The following GPR19 variants were observed in gnomAD, a reference collection of about 807,000 sequenced individuals.
The protein encoded by GPR19 is G protein-coupled receptor 19, also known as probable G protein-coupled receptor 19.
Under a neutral mutation model 28.5 loss-of-function variants are expected in GPR19, and 14 were observed. The observed-to-expected ratio is 0.49, with a 90% CI of 0.32 to 0.77. GPR19 has a LOEUF of 0.77. Ranked by LOEUF, GPR19 falls within the 30% of genes least tolerant of loss-of-function variation. GPR19 has a pLI of 0.03. For synonymous variants in GPR19, 173 were observed against 184.1 expected (o/e 0.94, Z 0.49); for missense variants, 409 against 504.1 (o/e 0.81, Z 1.81).
chr12:12,662,519 C>G, intron 3 of GPR19, 49 bp from the exon 4 acceptor site: 1 of 1,401,176 alleles, frequency 7.1e-7, no homozygotes, highest in Non-Finnish European at 9.9e-7. Context: ...AGGTGTCATA[C>G]AGATTGGTTA....
At chr12:12,680,891 G>A (rs1297581887) in intron 3 of GPR19, among the ~76,000 whole-genome samples, 1 of 152,120 alleles carries the variant, frequency 6.6e-6, no homozygotes, top group Non-Finnish European at 1.5e-5. Context: ...GTTTCAGCAT[G>A]TTGGCCAGGC....
the GPR19 span, among the ~76,000 whole-genome samples, chr12:12,713,345 G>A: frequency 6.6e-6 from 1 of 151,964 alleles, no homozygotes; most frequent in African/African-American, 2.4e-5. Flanking sequence ...GATTATAGGC[G>A]TGAGCACCGT....
At chr12:12,703,476 A>G in the GPR19 span, 24 of 958,504 alleles carry the variant, frequency 2.5e-5, no homozygotes, top group African/African-American at 3.9e-4. Context: ...AAAGATTCCC[A>G]AGGTCTGTGA....
At chr12:12,678,250 C>T (rs1422153791) in intron 3 of GPR19, among the ~76,000 whole-genome samples, 1 of 151,742 alleles carries the variant, frequency 6.6e-6, no homozygotes, top group Non-Finnish European at 1.5e-5. Flanking sequence ...TCTAAGAAAT[C>T]ATACTGAAAA....
At chr12:12,709,330 T>C in the GPR19 span, among the ~76,000 whole-genome samples, 1 of 152,202 alleles carries the variant, frequency 6.6e-6, no homozygotes, top group Non-Finnish European at 1.5e-5. Flanking sequence ...GCTGTCTGTC[T>C]TCCTAAAACT....
intron 3 of GPR19, among the ~76,000 whole-genome samples, chr12:12,677,204 ATTT>A (rs765786361): frequency 1.3e-4 from 17 of 133,578 alleles, no homozygotes; most frequent in East Asian, 6.4e-4. Context: ...GCAGATGTTA[ATTT>A]TTTTTTTTTT....
At chr12:12,713,131 C>T in the GPR19 span, among the ~76,000 whole-genome samples, 5 of 142,544 alleles carry the variant, frequency 3.5e-5, no homozygotes, top group Non-Finnish European at 7.5e-5. Context: ...GTGGCACGAT[C>T]TTGGCTCACT....
chr12:12,678,910 C>T (rs561430234), intron 3 of GPR19, among the ~76,000 whole-genome samples: 13 of 152,134 alleles, frequency 8.5e-5, no homozygotes, highest in Non-Finnish European at 1.5e-4. Context: ...GATTCTTGTG[C>T]GTCAGCTTCA....
intron 2 of GPR19, among the ~76,000 whole-genome samples, chr12:12,692,481 C>T (rs905186087): frequency 4.6e-5 from 7 of 152,068 alleles, no homozygotes; most frequent in African/African-American, 7.2e-5. Flanking sequence ...GATCCTTCTG[C>T]TTTGGTCTCC....
chr12:12,712,716 G>C, the GPR19 span, among the ~76,000 whole-genome samples: 1 of 152,176 alleles, frequency 6.6e-6, no homozygotes, highest in East Asian at 1.9e-4. Flanking sequence ...TATCACCCAG[G>C]CTGGAGTGCA....
chr12:12,692,189 C>T (rs1490683415), intron 2 of GPR19, among the ~76,000 whole-genome samples: 1 of 152,202 alleles, frequency 6.6e-6, no homozygotes, highest in African/African-American at 2.4e-5. Context: ...AGACTGATTC[C>T]TTATCTCAAT....
the GPR19 span, among the ~76,000 whole-genome samples, chr12:12,709,773 C>G: frequency 1.3e-5 from 2 of 152,280 alleles, no homozygotes; most frequent in Non-Finnish European, 2.9e-5. Flanking sequence ...CTTTCAATCT[C>G]AAGTCTACAT....
chr12:12,670,525 T>G (rs1945841731), intron 3 of GPR19, among the ~76,000 whole-genome samples: 1 of 152,210 alleles, frequency 6.6e-6, no homozygotes, highest in South Asian at 2.1e-4. Flanking sequence ...CTATCTCATT[T>G]GATTATTATA....
intron 3 of GPR19, among the ~76,000 whole-genome samples, chr12:12,683,705 A>T (rs1054233911): frequency 3.9e-5 from 6 of 152,286 alleles, no homozygotes; most frequent in Non-Finnish European, 8.8e-5. Flanking sequence ...TTGTGCTGAA[A>T]ATAGTCAAAG....
chr12:12,685,527 A>G (rs530538636), intron 2 of GPR19, among the ~76,000 whole-genome samples: 1 of 152,244 alleles, frequency 6.6e-6, no homozygotes, highest in African/African-American at 2.4e-5. Flanking sequence ...TAACTGCTGA[A>G]GAGGATGATT....
At chr12:12,663,403 T>A (rs1191865090) in intron 3 of GPR19, among the ~76,000 whole-genome samples, 3 of 147,668 alleles carry the variant, frequency 2.0e-5, no homozygotes, top group African/African-American at 5.0e-5. Context: ...GAATCCAGCC[T>A]GGGCAACATA....
At chr12:12,662,733 G>C (rs374851039) in intron 3 of GPR19, among the ~76,000 whole-genome samples, 1 of 152,170 alleles carries the variant, frequency 6.6e-6, no homozygotes, top group Non-Finnish European at 1.5e-5. Flanking sequence ...TAGTCATACC[G>C]AGCTCCCCTC....
At chr12:12,714,289 C>T in the GPR19 span, among the ~76,000 whole-genome samples, 1 of 152,124 alleles carries the variant, frequency 6.6e-6, no homozygotes, top group South Asian at 2.1e-4. Flanking sequence ...AGGACTGAAA[C>T]TGTGTGCTTG....
upstream of GPR19, among the ~76,000 whole-genome samples, chr12:12,696,914 A>G (rs772573175): frequency 6.6e-6 from 1 of 152,224 alleles, no homozygotes; most frequent in African/African-American, 2.4e-5. Context: ...GTGCCGCGTC[A>G]GAGCTGTCAC....
Sources: gnomAD v4.1 joint callset for allele counts (sites outside exome capture counted in the v4.1 genomes callset) on GRCh38, gnomAD v4.1.1 for gene constraint, MANE v1.5 for transcripts, NCBI Gene and HGNC (gene_info 2026-07-23, HGNC 2026-07-21) for gene names.